The following ATP6V1B2 variants were observed in gnomAD, a reference collection of about 807,000 sequenced individuals.
ATP6V1B2 encodes ATPase H+ transporting V1 subunit B2, also known as V-type proton ATPase subunit B, brain isoform.
ATP6V1B2 carries 23 observed loss-of-function variants against 66.7 expected under a neutral mutation model. That is an observed-to-expected ratio of 0.34 (90% CI 0.25 to 0.49). The LOEUF is 0.49. Ranked by LOEUF, ATP6V1B2 falls within the 20% of genes least tolerant of loss-of-function variation. The pLI is 0.99. For missense variants in ATP6V1B2, 478 were observed against 650.8 expected, an observed-to-expected ratio of 0.73 and a Z score of 2.89; for synonymous variants, 278 against 236.7, an observed-to-expected ratio of 1.17 and a Z score of -1.60.
At chr8:20,207,228 GTAA>G (rs1474922005) in intron 2 of ATP6V1B2, among the ~76,000 whole-genome samples, 1 of 152,178 alleles carries the variant, frequency 6.6e-6, no homozygotes, top group South Asian at 2.1e-4. Context: ...ATTTGGTTCA[GTAA>G]TAAGCAGATA....
rs953134655 is a variant in ATP6V1B2 at position 20,209,441 on chromosome 8, G to T, written c.201G>T (p.Arg67Ser). ...TATTTTTTTCTCTTTAGTTTCCCAGGTATGCTGAAATTGTCCATTTGACCT... is the reference window on the plus strand; with the variant it reads ...TATTTTTTTCTCTTTAGTTTCCCAGTTATGCTGAAATTGTCCATTTGACCT... ...LVILDHVKFP[R>S]YAEIVHLTLP... The change falls in exon 3 of 14, where the codon AGG (arginine) becomes AGT (serine). Residue 67 changes from arginine (R) to serine (S), a missense_variant. Around this residue, in one of 2 missense-constraint regions of ATP6V1B2, gnomAD observed 152 missense variants for 105.2 expected, o/e 1.44. Coordinates refer to ENST00000276390, the MANE Select transcript of ATP6V1B2 (RefSeq NM_001693.4). The T allele has an allele frequency of 6.2e-7, 1 of 1,613,794 alleles. No homozygotes were observed. Among genetic ancestry groups the T allele is most frequent in the South Asian group, 1.1e-5 (1 of 91,072 alleles).
At chr8:20,198,127 GA>G (rs1266343000) in intron 1 of ATP6V1B2, among the ~76,000 whole-genome samples, 1 of 152,256 alleles carries the variant, frequency 6.6e-6, no homozygotes, top group East Asian at 1.9e-4. Context: ...CGCTAGAGCT[GA>G]AAAGTACCTT....
intron 3 of ATP6V1B2, 35 bp downstream of exon 3, chr8:20,209,566 G>A: frequency 6.4e-7 from 1 of 1,565,760 alleles, no homozygotes; most frequent in Non-Finnish European, 8.8e-7. Context: ...CTGTTTCCTA[G>A]TTGCCTACAC....
At chr8:20,213,861 C>G (rs1235174338) in intron 9 of ATP6V1B2, 2 of 152,150 alleles carry the variant, frequency 1.3e-5, no homozygotes, top group Admixed American at 6.5e-5. Context: ...AGTTTTTCTC[C>G]CCCATCCATC....
At chr8:20,213,077 G>A in intron 9 of ATP6V1B2, 172 bp downstream of exon 9, 1 of 787,578 alleles carries the variant, frequency 1.3e-6, no homozygotes, top group Non-Finnish European at 2.0e-6. Context: ...CAACTTGGTA[G>A]AAGTGATTAG....
intron 13 of ATP6V1B2, among the ~76,000 whole-genome samples, chr8:20,218,520 A>G (rs1585255243): frequency 6.6e-6 from 1 of 151,926 alleles, no homozygotes; most frequent in African/African-American, 2.4e-5. Flanking sequence ...TCCTTCTTCC[A>G]TCGCCCTTCT....
chr8:20,199,763 G>A (rs1447799234), intron 1 of ATP6V1B2, among the ~76,000 whole-genome samples: 2 of 151,700 alleles, frequency 1.3e-5, no homozygotes, highest in Admixed American at 1.3e-4. Context: ...GGCGCACGCC[G>A]CCATGCCCGG....
chr8:20,209,538 T>C lies in ATP6V1B2; in HGVS notation c.291+7T>C. The C allele has an allele frequency of 6.2e-7, 1 of 1,612,174 alleles. No homozygotes were observed. Among genetic ancestry groups the C allele is most frequent in the Non-Finnish European group, 8.5e-7 (1 of 1,178,326 alleles). ...TTCCAAGGCAGTAGTTCAGGTAAGT[T>C]TCAGCTGGCCAGCTGAACTGTTTCC... On this transcript the variant is annotated splice_region_variant and intron_variant, in intron 3 of 13. Coordinates refer to ENST00000276390, the MANE Select transcript of ATP6V1B2 (RefSeq NM_001693.4).
chr8:20,200,179 A>G (rs1048781351), intron 1 of ATP6V1B2, among the ~76,000 whole-genome samples: 10 of 151,082 alleles, frequency 6.6e-5, no homozygotes, highest in Non-Finnish European at 1.5e-4. Flanking sequence ...ATTTTTTTTA[A>G]TTTTTATTTT....
chr8:20,213,126 T>C, intron 9 of ATP6V1B2: 1 of 507,616 alleles, frequency 2.0e-6, no homozygotes, highest in East Asian at 4.0e-5. Context: ...TATCATACTG[T>C]CACTATCTCC....
In ATP6V1B2 at chr8:20,210,599, T is replaced by A. The variant is rs2072783943; in HGVS notation, c.416T>A (p.Ile139Asn). 1.9e-6 allele frequency: 3 copies of A among 1,613,832 alleles called. No homozygotes were observed. Among genetic ancestry groups the A allele is most frequent in the Non-Finnish European group, 2.5e-6 (3 of 1,179,764 alleles). The change falls in exon 5 of 14, where the codon ATT (isoleucine) becomes AAT (asparagine). Residue 139 changes from isoleucine (I) to asparagine (N), a missense_variant. Ile to Asn is a moderately radical substitution (Grantham distance 149). Transcript: ENST00000276390. ...GTATTCAATGGATCGGGAAAACCCA[T>A]TGACAGAGGTCCTGTTGTACTGGCC... ...GRVFNGSGKP[I>N]DRGPVVLAED...
At chr8:20,217,138 A>C in intron 11 of ATP6V1B2, 82 bp from the exon 12 acceptor site, 1 of 1,122,952 alleles carries the variant, frequency 8.9e-7, no homozygotes, top group Non-Finnish European at 1.3e-6. Flanking sequence ...TGTAATAATG[A>C]GTTTCAAATG....
intron 1 of ATP6V1B2, among the ~76,000 whole-genome samples, chr8:20,197,779 C>T (rs1268462027): frequency 6.6e-6 from 1 of 152,216 alleles, no homozygotes; most frequent in Non-Finnish European, 1.5e-5. Context: ...TGGTGGGCTC[C>T]TGGCTGTTGC....
At chr8:20,212,691 A>G in intron 8 of ATP6V1B2, 91 bp from the exon 9 acceptor site, 1 of 1,524,036 alleles carries the variant, frequency 6.6e-7, no homozygotes, top group East Asian at 2.3e-5. Context: ...TTAAAAGGGG[A>G]ATTGTACTGT....
Position 20,209,242 on chromosome 8 carries a change from A to G in ATP6V1B2, c.193-191A>G, listed in dbSNP as rs547731814. On this transcript the variant is annotated intron_variant, in intron 2 of 13. Transcript: ENST00000276390. ...TGTACCTTATGCTTTGTTTGCTAGT[A>G]TATGTGACAGTGATGTTTGCTGTAA... 2.0e-3 allele frequency among the ~76,000 whole-genome samples: 306 copies of G among 152,306 alleles called. 3 individuals carry two copies. Among genetic ancestry groups the G allele is most frequent in the Non-Finnish European group, 1.9e-3 (127 of 68,026 alleles).
chr8:20,216,571 T>G, intron 11 of ATP6V1B2, 76 bp downstream of exon 11: 1 of 1,383,106 alleles, frequency 7.2e-7, no homozygotes, highest in African/African-American at 1.4e-5. Context: ...GATTTTGCTC[T>G]TAGGAATTGC....
At chr8:20,199,234 CTG>C (rs2072659159) in intron 1 of ATP6V1B2, among the ~76,000 whole-genome samples, 2 of 152,218 alleles carry the variant, frequency 1.3e-5, no homozygotes, top group Non-Finnish European at 2.9e-5. Flanking sequence ...CTTGACAAAA[CTG>C]TTGTAGCATA....
chr8:20,216,334 T>C, intron 10 of ATP6V1B2, 79 bp from the exon 11 acceptor site: 1 of 1,313,510 alleles, frequency 7.6e-7, no homozygotes, highest in South Asian at 1.2e-5. Context: ...TTTTTGTGGG[T>C]TTGGTTCTGA....
chr8:20,210,077 T>A (rs951805862), intron 3 of ATP6V1B2, among the ~76,000 whole-genome samples: 2 of 147,872 alleles, frequency 1.4e-5, no homozygotes, highest in Admixed American at 6.8e-5. Flanking sequence ...TATATATATA[T>A]AAACATATAT....
Sources: allele counts gnomAD v4.1 joint callset (sites outside exome capture counted in the v4.1 genomes callset), GRCh38; gene constraint gnomAD v4.1.1; regional missense constraint gnomAD v4.1.1; transcripts MANE v1.5; gene names NCBI Gene and HGNC (gene_info 2026-07-23, HGNC 2026-07-21).